Variants in LRRC56 observed in about 807,000 individuals in gnomAD.
LRRC56 encodes the protein leucine-rich repeat-containing protein 56.
Under a neutral mutation model 47.8 loss-of-function variants are expected in LRRC56, and 41 were observed. That is an observed-to-expected ratio of 0.86 (90% CI 0.67 to 1.11). The LOEUF is 1.11. Among genes scored for constraint, LRRC56 ranks in the 50% most tolerant of loss-of-function variants. LRRC56 has a pLI of 0.00. For missense variants in LRRC56, 759 were observed against 704.2 expected (o/e 1.08, Z -0.88); for synonymous variants, 387 against 311.2 (o/e 1.24, Z -2.56).
chr11:551,429 C>A, intron 9 of LRRC56, 127 bp downstream of exon 9: 1 of 804,004 alleles, frequency 1.2e-6, no homozygotes. Flanking sequence ...GACCCCGGTC[C>A]CCAGAGCTGT....
upstream of LRRC56, among the ~76,000 whole-genome samples, chr11:534,818 G>A (rs1293235831): frequency 6.6e-6 from 1 of 152,210 alleles, no homozygotes; most frequent in African/African-American, 2.4e-5. Flanking sequence ...ACAAGTATTT[G>A]CTGAGCGCCT....
chr11:521,893 T>C, the LRRC56 span, among the ~76,000 whole-genome samples: 598 of 148,870 alleles, frequency 4.0e-3, 1 homozygote, highest in Middle Eastern at 0.01. Context: ...CCAGCCTGGA[T>C]GACAGAGCAA....
At chr11:535,917 C>T (rs1046277228), upstream of LRRC56, among the ~76,000 whole-genome samples, 2 of 152,172 alleles carry the variant, frequency 1.3e-5, no homozygotes, top group Non-Finnish European at 2.9e-5. Context: ...CACCAGAGGC[C>T]CTCCCTGCGC....
In LRRC56 at chr11:551,141, G is replaced by T. The variant is rs1490113655; in HGVS notation, c.635G>T (p.Gly212Val). 1 of 1,489,070 alleles carries T rather than the reference G, an allele frequency of 6.7e-7. No individual in the cohort carries two copies. Among genetic ancestry groups the T allele is most frequent in the Non-Finnish European group, 9.0e-7 (1 of 1,108,280 alleles). The allele number at this position is 1,489,070 out of a possible 1,614,324, so 92.2% of individuals were successfully genotyped here. ...APGPTNKVPRGYNYRAEVRKL... is the reference protein window; with the variant it reads ...APGPTNKVPRVYNYRAEVRKL... ...CCCCTCCCCCTGCAGGTGCCCAGGG[G>T]CTACAACTACAGGGCAGAGGTGAGG... is the stretch of plus-strand genomic sequence containing the variant. Residue 212 changes from glycine (G) to valine (V), a missense_variant, in exon 9 of 14, where the codon GGC becomes GTC. By Grantham distance (109) the Gly-to-Val change is moderately radical. Coordinates refer to ENST00000270115, the MANE Select transcript of LRRC56 (RefSeq NM_198075.4).
upstream of LRRC56, chr11:533,541 G>T (rs376667492): frequency 6.2e-7 from 1 of 1,613,766 alleles, no homozygotes; most frequent in Non-Finnish European, 8.5e-7. Context: ...AGTGCGTGCA[G>T]CCAGGTCACA....
Position 541,551 on chromosome 11 carries a change from G to T in LRRC56, c.192G>T (p.Arg64=). 6.3e-7 allele frequency: 1 copy of T among 1,579,918 alleles called. No homozygotes were observed. The highest frequency in any genetic ancestry group is 1.1e-5 in the South Asian group (1 of 86,970). ...GGTTTCTACAGCAGGCCCTGGCCCG[G>T]GTGGATGACCTTCGGCTGGTGAGGA... ...LSPARLQALA[R]VDDLRLVRTL... is the part of the protein sequence containing the mutation. Residue 64 remains arginine, a synonymous_variant, in exon 5 of 14, where the codon CGG becomes CGT. Coordinates refer to ENST00000270115, the MANE Select transcript of LRRC56 (RefSeq NM_198075.4). The surrounding 1 kb of genome is among the most constrained non-coding windows in gnomAD (Gnocchi z 4.1).
rs1371554161 is a variant in LRRC56, at chr11:553,992, G to GGT, written c.1345_1346insGT (p.Val449GlyfsTer52). ...CTCCGGGACCTCGAGCCAGCACCTG[G>GGT]TCCCTTCACCTCCCAAGCACCCAAG... is the stretch of plus-strand genomic sequence containing the variant. On this transcript the variant is annotated frameshift_variant, in exon 14 of 14. Transcript: ENST00000270115. LOFTEE classifies it low-confidence loss of function (END_TRUNC). 6.2e-7 allele frequency: 1 copy of GGT among 1,612,232 alleles called. No homozygotes were observed. The highest frequency in any genetic ancestry group is 8.5e-7 in the Non-Finnish European group (1 of 1,179,716).
chr11:522,734 T>C, the LRRC56 span, among the ~76,000 whole-genome samples: 35 of 152,066 alleles, frequency 2.3e-4, 1 homozygote, highest in Non-Finnish European at 4.4e-4. Context: ...AATTCTGACA[T>C]TCTCTGTATA....
intron 6 of LRRC56, among the ~76,000 whole-genome samples, chr11:547,477 C>T (rs1388666925): frequency 1.1e-4 from 16 of 151,730 alleles, no homozygotes; most frequent in Non-Finnish European, 1.5e-5. Flanking sequence ...CTCAGCCTCC[C>T]GAGTAGCTGG....
intron 2 of LRRC56, among the ~76,000 whole-genome samples, chr11:539,289 G>C (rs924063163): frequency 1.3e-5 from 2 of 151,214 alleles, no homozygotes; most frequent in Non-Finnish European, 2.9e-5. Flanking sequence ...GTTTCACCTC[G>C]TTAGCCAGGA....
chr11:516,942 C>T, the LRRC56 span, among the ~76,000 whole-genome samples: 6 of 152,196 alleles, frequency 3.9e-5, no homozygotes, highest in East Asian at 1.9e-4. Flanking sequence ...CTCCCTGCCC[C>T]GGGCTCCCAT....
chr11:517,546 G>A, the LRRC56 span, among the ~76,000 whole-genome samples: 1 of 147,366 alleles, frequency 6.8e-6, no homozygotes, highest in African/African-American at 2.5e-5. Flanking sequence ...CTGGGAAGTG[G>A]GCGCCTCTGC....
At position 541,665 on chromosome 11, in the gene LRRC56, A is replaced by ACGCCTC; in HGVS notation, c.265+43_265+48dup. The ACGCCTC allele has an allele frequency of 7.9e-7, 1 of 1,260,166 alleles. No individual in the cohort carries two copies. Among genetic ancestry groups the ACGCCTC allele is most frequent in the Non-Finnish European group, 1.1e-6 (1 of 897,644 alleles). 78.1% of individuals were successfully genotyped at this position (1,260,166 alleles called of 1,614,324 possible). A position where few individuals can be genotyped will look rare whatever the true frequency, so the allele number is the denominator to read the frequency against. ...CCCCGCCATGGCCACGGCCACGGCC[A>ACGCCTC]CGCCTCCCTGTAAACAACACACGTT... On this transcript the variant is annotated intron_variant, in intron 5 of 13. Coordinates refer to ENST00000270115, the MANE Select transcript of LRRC56 (RefSeq NM_198075.4). The surrounding 1 kb of genome is among the most constrained non-coding windows in gnomAD (Gnocchi z 4.1).
At chr11:525,784 T>C in the LRRC56 span, among the ~76,000 whole-genome samples, 86,782 of 151,740 alleles carry the variant, frequency 0.57, 25,944 homozygotes, top group African/African-American at 0.75. Context: ...CCTGTAGTCC[T>C]AGCTACTCGG....
intron 2 of LRRC56, among the ~76,000 whole-genome samples, 175 bp from the exon 3 acceptor site, chr11:539,405 G>A (rs991528571): frequency 7.9e-5 from 5 of 63,248 alleles, no homozygotes; most frequent in Non-Finnish European, 1.6e-4. Flanking sequence ...TTTTTTTTGA[G>A]ACAGAGTCTT....
the LRRC56 span, among the ~76,000 whole-genome samples, chr11:515,774 G>A: frequency 6.6e-6 from 1 of 152,166 alleles, no homozygotes; most frequent in Non-Finnish European, 1.5e-5. Context: ...GGAGACAGAG[G>A]TTGCAGTGAG....
chr11:510,849 C>T, the LRRC56 span, among the ~76,000 whole-genome samples: 4 of 151,372 alleles, frequency 2.6e-5, no homozygotes, highest in Non-Finnish European at 4.4e-5. Flanking sequence ...GTGGAGGTTG[C>T]GGTGAGCAGA....
At chr11:518,230 T>A in the LRRC56 span, among the ~76,000 whole-genome samples, 1 of 152,082 alleles carries the variant, frequency 6.6e-6, no homozygotes, top group African/African-American at 2.4e-5. Flanking sequence ...TCGCCTAGGC[T>A]GGAGTGCAGT....
In LRRC56 at chr11:550,264, A is replaced by C. The variant is rs1369038619; in HGVS notation, c.616A>C (p.Thr206Pro). ...GTGCCTACAGCCGGCCCCTGGCCCC[A>C]CCAACAAGGTGCGTGTCCCGGGCAC... ...LVCLQPAPGP[T>P]NKVPRGYNYR... The change falls in exon 8 of 14, where the codon ACC (threonine) becomes CCC (proline). Residue 206 changes from threonine (T) to proline (P), a missense_variant. Transcript: ENST00000270115. 1 of 1,591,768 alleles carries C rather than the reference A, an allele frequency of 6.3e-7. No homozygotes were observed. The highest frequency in any genetic ancestry group is 2.3e-5 in the East Asian group (1 of 44,266).
Sources: gnomAD v4.1 joint callset for allele counts (sites outside exome capture counted in the v4.1 genomes callset) on GRCh38, gnomAD v4.1.1 for gene constraint, Gnocchi (gnomAD v3.1) non-coding constraint, MANE v1.5 for transcripts, NCBI Gene and HGNC (gene_info 2026-07-23, HGNC 2026-07-21) for gene names.